SMAP1: variants seen among roughly 807,000 people sequenced by gnomAD.
SMAP1 encodes the protein small ArfGAP 1, also known as stromal membrane-associated protein 1.
In SMAP1, 24 loss-of-function variants were observed where a neutral mutation model predicts 58.5. The observed-to-expected ratio is 0.41, with a 90% CI of 0.30 to 0.58. The LOEUF is 0.58. Ranked by LOEUF, SMAP1 falls within the 20% of genes least tolerant of loss-of-function variation. The pLI, the probability that SMAP1 is intolerant of heterozygous loss-of-function variation, is 0.29. For synonymous variants in SMAP1, 216 were observed against 196.6 expected (o/e 1.10, Z -0.82); for missense variants, 563 against 566.3 (o/e 0.99, Z 0.06).
In SMAP1 at chr6:70,861,673, A is replaced by G. The variant is rs776587768; in HGVS notation, c.*1339A>G. 19 of 1,613,306 alleles carry G rather than the reference A, an allele frequency of 1.2e-5. No individual in the cohort carries two copies. The highest frequency in any genetic ancestry group is 1.4e-5 in the Non-Finnish European group (16 of 1,179,516). ...AGTTGCTGCTTCAATTTATACCTCA[A>G]TTTTCACTGTGTCCAGGTGGTACTT... is the stretch of plus-strand genomic sequence containing the variant. On this transcript the variant is annotated 3_prime_UTR_variant, in exon 11 of 11. Transcript: ENST00000370455.
intron 2 of SMAP1, among the ~76,000 whole-genome samples, chr6:70,736,775 T>C (rs1259455855): frequency 6.6e-6 from 1 of 152,378 alleles, no homozygotes; most frequent in East Asian, 1.9e-4. Context: ...TGCTGCTTTC[T>C]AGTTTCATTT....
intron 1 of SMAP1, among the ~76,000 whole-genome samples, chr6:70,710,829 A>G (rs969141515): frequency 9.9e-5 from 15 of 152,132 alleles, no homozygotes; most frequent in African/African-American, 3.6e-4. Flanking sequence ...TTATATCCTT[A>G]TTCTATAAGC....
intron 1 of SMAP1, among the ~76,000 whole-genome samples, chr6:70,729,459 T>TTTTGTGTGTG (rs1491434129): frequency 8.6e-5 from 11 of 128,164 alleles, no homozygotes; most frequent in African/African-American, 2.6e-4. Context: ...AAAAAGAAGG[T>TTTTGTGTGTG]TGTGTGTGTG....
chr6:70,783,638 A>T (rs150576321), intron 4 of SMAP1, among the ~76,000 whole-genome samples: 2 of 152,254 alleles, frequency 1.3e-5, no homozygotes, highest in Admixed American at 1.3e-4. Flanking sequence ...CCAAGGCTCA[A>T]GAACTACATG....
intron 2 of SMAP1, among the ~76,000 whole-genome samples, chr6:70,735,825 T>C (rs1765596707): frequency 6.6e-6 from 1 of 152,240 alleles, no homozygotes; most frequent in Non-Finnish European, 1.5e-5. Context: ...ACTTTTACTG[T>C]ACATAGTTAC....
At chr6:70,672,068 C>T (rs977304313) in intron 1 of SMAP1, among the ~76,000 whole-genome samples, 49 of 152,076 alleles carry the variant, frequency 3.2e-4, no homozygotes, top group African/African-American at 1.1e-3. Flanking sequence ...TTCTTTGTTC[C>T]GCAGATCTTG....
intron 3 of SMAP1, among the ~76,000 whole-genome samples, chr6:70,771,053 A>G (rs972905813): frequency 9.2e-5 from 14 of 151,682 alleles, no homozygotes; most frequent in Non-Finnish European, 1.6e-4. Context: ...AGTGGTGGCT[A>G]CAGGACAGCG....
At chr6:70,854,698 C>G (rs1771329016) in intron 8 of SMAP1, among the ~76,000 whole-genome samples, 1 of 151,762 alleles carries the variant, frequency 6.6e-6, no homozygotes, top group African/African-American at 2.4e-5. Flanking sequence ...ACTACAGATT[C>G]TATGCATATA....
At chr6:70,705,284 C>G (rs1014409376) in intron 1 of SMAP1, among the ~76,000 whole-genome samples, 48 of 148,680 alleles carry the variant, frequency 3.2e-4, no homozygotes, top group African/African-American at 1.1e-3. Context: ...CAGAGTCTTG[C>G]TCTGTTGCCC....
intron 1 of SMAP1, among the ~76,000 whole-genome samples, chr6:70,723,112 G>A (rs1324211270): frequency 6.6e-6 from 1 of 152,126 alleles, no homozygotes; most frequent in Admixed American, 6.5e-5. Flanking sequence ...TCTTTTGTTT[G>A]TTTGTTTGGA....
At chr6:70,702,425 AGTT>A (rs1354170004) in intron 1 of SMAP1, among the ~76,000 whole-genome samples, 1 of 151,716 alleles carries the variant, frequency 6.6e-6, no homozygotes, top group Non-Finnish European at 1.5e-5. Flanking sequence ...CATTTTAGAT[AGTT>A]GCTATTGCTT....
intron 5 of SMAP1, among the ~76,000 whole-genome samples, chr6:70,796,569 G>A (rs1768614989): frequency 6.6e-6 from 1 of 152,200 alleles, no homozygotes; most frequent in Non-Finnish European, 1.5e-5. Flanking sequence ...TTGGGAAATG[G>A]TTGAGTCAGC....
At chr6:70,719,673 A>T (rs1262301504) in intron 1 of SMAP1, among the ~76,000 whole-genome samples, 3 of 152,132 alleles carry the variant, frequency 2.0e-5, no homozygotes, top group Admixed American at 6.6e-5. Flanking sequence ...ATGGTCGGGG[A>T]GGCCTTAGAA....
intron 4 of SMAP1, among the ~76,000 whole-genome samples, chr6:70,774,723 T>TA (rs1343547794): frequency 1.3e-5 from 2 of 151,484 alleles, no homozygotes; most frequent in African/African-American, 2.4e-5. Flanking sequence ...CTCTTTTTAT[T>TA]AAAAAAAATT....
chr6:70,799,770 G>T (rs1024061260), intron 6 of SMAP1, among the ~76,000 whole-genome samples: 1 of 152,144 alleles, frequency 6.6e-6, no homozygotes, highest in African/African-American at 2.4e-5. Flanking sequence ...AAGCTTGTAT[G>T]TTTTTAGGGT....
intron 1 of SMAP1, among the ~76,000 whole-genome samples, chr6:70,682,313 C>A (rs1766751386): frequency 6.6e-6 from 1 of 151,264 alleles, no homozygotes; most frequent in Admixed American, 6.6e-5. Context: ...CTTGGCCTCC[C>A]AAGTAGCTGG....
Position 70,860,818 on chromosome 6 carries a change from T to G in SMAP1, c.*484T>G, listed in dbSNP as rs1242535371. On this transcript the variant is annotated 3_prime_UTR_variant, in exon 11 of 11. Coordinates refer to ENST00000370455, the MANE Select transcript of SMAP1 (RefSeq NM_001044305.3). ...TCTAGTGTATCAAAATGCTCTTATTTCATCATTCACTTCACTGTGCTGTTG... is the reference window on the plus strand; with the variant it reads ...TCTAGTGTATCAAAATGCTCTTATTGCATCATTCACTTCACTGTGCTGTTG... The G allele has an allele frequency of 2.5e-6, 1 of 397,326 alleles. No individual in the cohort carries two copies. The highest frequency in any genetic ancestry group is 4.4e-6 in the Non-Finnish European group (1 of 225,110). The allele number at this position is 397,326 out of a possible 1,614,324, so 24.6% of individuals were successfully genotyped here.
intron 1 of SMAP1, among the ~76,000 whole-genome samples, chr6:70,712,236 G>A (rs980859801): frequency 3.3e-5 from 5 of 149,586 alleles, no homozygotes; most frequent in African/African-American, 1.2e-4. Context: ...TAATCACCTT[G>A]ATTGATTTGT....
intron 5 of SMAP1, among the ~76,000 whole-genome samples, chr6:70,794,788 C>CTTTTT (rs34050089): frequency 7.8e-4 from 90 of 114,928 alleles, no homozygotes; most frequent in Admixed American, 1.1e-3. Context: ...ATTTTCTTTT[C>CTTTTT]TTTTTTTTTT....
Sources: allele counts gnomAD v4.1 joint callset (sites outside exome capture counted in the v4.1 genomes callset), GRCh38; gene constraint gnomAD v4.1.1; transcripts MANE v1.5; gene names NCBI Gene and HGNC (gene_info 2026-07-23, HGNC 2026-07-21).